Variants in PTPRD observed in about 807,000 individuals in gnomAD.
The protein encoded by PTPRD is receptor-type tyrosine-protein phosphatase delta.
Under a neutral mutation model 214.5 loss-of-function variants are expected in PTPRD, and 34 were observed. The observed-to-expected ratio is 0.16, with a 90% CI of 0.12 to 0.21. The LOEUF (loss-of-function observed/expected upper bound fraction) is 0.21. Ranked by LOEUF, PTPRD falls within the 10% of genes least tolerant of loss-of-function variation. PTPRD has a pLI of 1.00. For missense variants in PTPRD, 2,545 were observed against 2,398.7 expected (o/e 1.06, Z -1.27); for synonymous variants, 1,128 against 845.7 (o/e 1.33, Z -5.79).
intron 12 of PTPRD, among the ~76,000 whole-genome samples, chr9:8,672,370 C>T (rs1461463249): frequency 1.3e-5 from 2 of 152,026 alleles, no homozygotes; most frequent in East Asian, 1.9e-4. Flanking sequence ...TAATTTTCCC[C>T]AAAAGAATTT....
At chr9:9,051,855 C>T (rs1343820824) in intron 10 of PTPRD, among the ~76,000 whole-genome samples, 2 of 152,082 alleles carry the variant, frequency 1.3e-5, no homozygotes, top group Non-Finnish European at 2.9e-5. Flanking sequence ...CCTGCCTGGT[C>T]AAAATTCTAT....
chr9:10,479,097 T>C (rs1306505726), intron 2 of PTPRD, among the ~76,000 whole-genome samples: 3 of 152,304 alleles, frequency 2.0e-5, no homozygotes, highest in South Asian at 2.1e-4. Flanking sequence ...GTGTTTTCCA[T>C]ACAGAATGTT....
chr9:8,323,445 G>C (rs1438661926), intron 44 of PTPRD, among the ~76,000 whole-genome samples: 2 of 152,186 alleles, frequency 1.3e-5, no homozygotes, highest in Non-Finnish European at 2.9e-5. Flanking sequence ...TTTACTGGAA[G>C]TAATTCACCA....
At position 8,713,670 on chromosome 9, in the gene PTPRD, G is replaced by A. The variant is rs533725380; in HGVS notation, c.64+20110C>T. The A allele has an allele frequency of 2.1e-5, 31 of 1,509,844 alleles. No individual in the cohort carries two copies. The South Asian group carries it at 3.3e-4, about 16-fold the overall frequency. 93.5% of individuals were successfully genotyped at this position (1,509,844 alleles called of 1,614,324 possible). On this transcript the variant is annotated intron_variant, in intron 12 of 45. Coordinates refer to ENST00000381196, the MANE Select transcript of PTPRD (RefSeq NM_002839.4). Reference sequence around the variant, plus strand: ...ACATGGGCGCCCGGCACCGCGCCCGGGCCCACTCCATTCAGATCATGATGG... The same window carrying A: ...ACATGGGCGCCCGGCACCGCGCCCGAGCCCACTCCATTCAGATCATGATGG...
At chr9:8,675,163 C>G (rs1279487030) in intron 12 of PTPRD, among the ~76,000 whole-genome samples, 1 of 152,054 alleles carries the variant, frequency 6.6e-6, no homozygotes, top group Non-Finnish European at 1.5e-5. Context: ...TGCTTGAGAT[C>G]CGCAGTTGAT....
intron 11 of PTPRD, among the ~76,000 whole-genome samples, chr9:8,855,880 T>G (rs1476516638): frequency 6.6e-6 from 1 of 152,226 alleles, no homozygotes; most frequent in Non-Finnish European, 1.5e-5. Flanking sequence ...ACAGCTGAAT[T>G]CATGAAACTG....
intron 12 of PTPRD, among the ~76,000 whole-genome samples, chr9:8,687,211 C>T (rs2097698578): frequency 6.6e-6 from 1 of 151,912 alleles, no homozygotes; most frequent in East Asian, 1.9e-4. Flanking sequence ...GAATACATGG[C>T]AGAAATCAGA....
intron 6 of PTPRD, among the ~76,000 whole-genome samples, chr9:9,735,288 G>A (rs2098273196): frequency 6.6e-6 from 1 of 152,022 alleles, no homozygotes; most frequent in South Asian, 2.1e-4. Flanking sequence ...CTGCTTCTGT[G>A]TTTGAGCAGA....
intron 2 of PTPRD, among the ~76,000 whole-genome samples, chr9:10,510,051 T>C (rs2047473306): frequency 6.6e-6 from 1 of 152,118 alleles, no homozygotes; most frequent in African/African-American, 2.4e-5. Context: ...CTAGTATACA[T>C]ATAAATTAAT....
At chr9:10,505,057 A>T (rs1216044985) in intron 2 of PTPRD, among the ~76,000 whole-genome samples, 1 of 152,214 alleles carries the variant, frequency 6.6e-6, no homozygotes, top group African/African-American at 2.4e-5. Flanking sequence ...ATTCTAGGAT[A>T]CCATCAGAAA....
intron 12 of PTPRD, among the ~76,000 whole-genome samples, chr9:8,727,129 G>A (rs2098591990): frequency 6.6e-6 from 1 of 152,152 alleles, no homozygotes; most frequent in South Asian, 2.1e-4. Flanking sequence ...ATAAGAATTA[G>A]TTCACAAATA....
chr9:10,274,911 G>A (rs906892677), intron 3 of PTPRD, among the ~76,000 whole-genome samples: 1 of 152,238 alleles, frequency 6.6e-6, no homozygotes, highest in South Asian at 2.1e-4. Context: ...TGGTATGGGT[G>A]TATTGTAGTG....
At chr9:9,908,444 G>C (rs929213204) in intron 5 of PTPRD, among the ~76,000 whole-genome samples, 31 of 151,970 alleles carry the variant, frequency 2.0e-4, no homozygotes, top group Non-Finnish European at 3.2e-4. Flanking sequence ...CCTTGTTAAG[G>C]ACATTTTCAC....
intron 6 of PTPRD, among the ~76,000 whole-genome samples, chr9:9,747,246 A>G (rs943406346): frequency 1.6e-5 from 1 of 62,674 alleles, no homozygotes; most frequent in South Asian, 4.3e-4. Flanking sequence ...AGGACTATCA[A>G]CAGCTTCTGT....
chr9:10,533,326 G>C (rs35588779), intron 2 of PTPRD, among the ~76,000 whole-genome samples: 2 of 152,078 alleles, frequency 1.3e-5, no homozygotes, highest in Non-Finnish European at 2.9e-5. Flanking sequence ...AACTAAGACA[G>C]CATCCAGCCA....
chr9:9,491,213 C>T (rs1429021252), intron 8 of PTPRD, among the ~76,000 whole-genome samples: 1 of 151,734 alleles, frequency 6.6e-6, no homozygotes, highest in Non-Finnish European at 1.5e-5. Flanking sequence ...AAGAAAAATA[C>T]ATTGTATATT....
At position 9,175,360 on chromosome 9, in the gene PTPRD, C is replaced by T. The variant is rs147971273; in HGVS notation, c.-143+7944G>A. On this transcript the variant is annotated intron_variant, in intron 10 of 45. Transcript: ENST00000381196. ...ATTCTTGGCTGGGCACGGTGGCTCA[C>T]GCTTGTAATCCCAGCACTTTGGGAG... Among the ~76,000 whole-genome samples, 309 of 152,108 alleles carry T rather than the reference C, an allele frequency of 2.0e-3. 2 individuals carry two copies. The highest frequency in any genetic ancestry group is 7.0e-3 in the African/African-American group (290 of 41,526).
chr9:8,998,749 G>A (rs181276462), intron 11 of PTPRD, among the ~76,000 whole-genome samples: 6 of 152,122 alleles, frequency 3.9e-5, no homozygotes, highest in Admixed American at 3.9e-4. Context: ...AAACCTTCTG[G>A]AAAGTATTCA....
At chr9:10,469,751 A>C (rs1566280837) in intron 2 of PTPRD, among the ~76,000 whole-genome samples, 1 of 152,142 alleles carries the variant, frequency 6.6e-6, no homozygotes, top group African/African-American at 2.4e-5. Flanking sequence ...AATATATAGA[A>C]CCAACCCAAG....
Sources: gnomAD v4.1 joint callset for allele counts (sites outside exome capture counted in the v4.1 genomes callset) on GRCh38, gnomAD v4.1.1 for gene constraint, MANE v1.5 for transcripts, NCBI Gene and HGNC (gene_info 2026-07-23, HGNC 2026-07-21) for gene names.